Variants in PTPN3 observed in about 807,000 individuals in gnomAD.
PTPN3 encodes tyrosine-protein phosphatase non-receptor type 3.
In PTPN3, 96 loss-of-function variants were observed where a neutral mutation model predicts 132.7. The ratio of observed to expected loss-of-function variants is 0.72; its 90% confidence interval spans 0.61 to 0.86. The LOEUF (loss-of-function observed/expected upper bound fraction) is 0.86, where lower values mean the gene tolerates loss of function less well. Among genes scored for constraint, PTPN3 ranks in the 40% least tolerant of loss-of-function variants. PTPN3 has a pLI of 0.00. For synonymous variants in PTPN3, 398 were observed against 429.0 expected (o/e 0.93, Z 0.89); for missense variants, 1,125 against 1,159.6 (o/e 0.97, Z 0.43).
chr9:109,422,963 A>C, intron 12 of PTPN3, 111 bp from the exon 13 acceptor site: 1 of 1,374,728 alleles, frequency 7.3e-7, no homozygotes, highest in Non-Finnish European at 1.0e-6. Flanking sequence ...CGGCAGGTTA[A>C]TGCCAAGGTT....
rs781202024 is a variant in PTPN3 at position 109,383,522 on chromosome 9, G to C, written c.2283C>G (p.Pro761=). ...AGCCGCCGTGGTTCATGACGTCGGG[G>C]GGATCTGGCCAGTACTGGTGACATT... ...RTKCHQYWPD[P]PDVMNHGGFH... is the part of the protein sequence containing the mutation. Residue 761 remains proline, a synonymous_variant, in exon 23 of 26, where the codon CCC becomes CCG. Transcript: ENST00000374541. 3.0e-5 allele frequency: 48 copies of C among 1,613,952 alleles called. 1 individual carries two copies. In the South Asian group the frequency reaches 5.3e-4, roughly 18 times the overall value.
In PTPN3 at chr9:109,465,304, C is replaced by T. The variant is rs144918854; in HGVS notation, c.-17-1853G>A. On this transcript the variant is annotated intron_variant, in intron 1 of 25. Transcript: ENST00000374541. ...AAAGAATACATGAAGCAGCCGGGCA[C>T]GGTGGTTCACGCCTGTAATCCCAGC... Among the ~76,000 whole-genome samples the T allele has an allele frequency of 6.6e-5, 10 of 152,208 alleles. No homozygotes were observed. In the East Asian group the frequency reaches 7.7e-4, roughly 12 times the overall value.
chr9:109,497,990 G>A (rs1251295030), intron 1 of PTPN3, among the ~76,000 whole-genome samples: 1 of 145,528 alleles, frequency 6.9e-6, no homozygotes, highest in African/African-American at 2.5e-5. Context: ...CCCACCCGGC[G>A]CCCCGCCCGC....
In PTPN3 at chr9:109,378,573, G is replaced by A. The variant is rs1299592510; in HGVS notation, c.*983C>T. 6.6e-6 allele frequency: 1 copy of A among 152,524 alleles called. No homozygotes were observed. Among genetic ancestry groups the A allele is most frequent in the Non-Finnish European group, 1.5e-5 (1 of 68,030 alleles). The allele number at this position is 152,524 out of a possible 1,614,324, so 9.4% of individuals were successfully genotyped here. On this transcript the variant is annotated 3_prime_UTR_variant, in exon 26 of 26. Coordinates refer to ENST00000374541, the MANE Select transcript of PTPN3 (RefSeq NM_002829.4). ...GGCACACACATGTACACAGCCCCAC[G>A]GCCAACCCTCCAGAAGCTGGGTTTC...
rs1459975184 is a variant in PTPN3, at chr9:109,383,369, T to C, written c.2382+54A>G. 16 of 1,613,322 alleles carry C rather than the reference T, an allele frequency of 9.9e-6. No homozygotes were observed. In the East Asian group the frequency reaches 3.1e-4, roughly 31 times the overall value. On this transcript the variant is annotated intron_variant, in intron 23 of 25. Coordinates refer to ENST00000374541, the MANE Select transcript of PTPN3 (RefSeq NM_002829.4). ...GAAGCGTGACCACCTGGGATGACAG[T>C]GGCCGCTGATTCAGCACCTGCCCCT...
chr9:109,534,610 C>T, the PTPN3 span, among the ~76,000 whole-genome samples: 1 of 124,062 alleles, frequency 8.1e-6, no homozygotes, highest in Non-Finnish European at 1.6e-5. Flanking sequence ...AACCCCGTCT[C>T]TACTAAAAAT....
intron 1 of PTPN3, among the ~76,000 whole-genome samples, chr9:109,473,790 G>T (rs1391073769): frequency 6.6e-6 from 1 of 152,116 alleles, no homozygotes; most frequent in Non-Finnish European, 1.5e-5. Context: ...GTGCTCCCCA[G>T]GAGCCCAGCA....
chr9:109,380,541 C>G lies in PTPN3; in HGVS notation c.2665-908G>C, dbSNP rs116720882. On this transcript the variant is annotated intron_variant, in intron 25 of 25. Coordinates refer to ENST00000374541, the MANE Select transcript of PTPN3 (RefSeq NM_002829.4). ...GAAGTGCTGGGATTATAGGCGTGAG[C>G]CACCGTGCCCAGCTTCCAGCTGGGA... 4.7e-3 allele frequency among the ~76,000 whole-genome samples: 719 copies of G among 152,348 alleles called. 3 individuals are homozygous for G. The highest frequency in any genetic ancestry group is 0.017 in the African/African-American group (695 of 41,566).
chr9:109,522,879 C>G, the PTPN3 span, among the ~76,000 whole-genome samples: 1 of 152,184 alleles, frequency 6.6e-6, no homozygotes, highest in Non-Finnish European at 1.5e-5. Flanking sequence ...ATATGTCCCA[C>G]TTCACCTGCT....
At position 109,408,796 on chromosome 9, in the gene PTPN3, A is replaced by ATATATATATAT. The variant is rs1554783378; in HGVS notation, c.1579-420_1579-419insATATATATATA. ...TTATAATAATTAAAAAAAAAAAAAA[A>ATATATATATAT]ATATATATATATATATATATATGGG... On this transcript the variant is annotated intron_variant, in intron 16 of 25. Transcript: ENST00000374541. Among the ~76,000 whole-genome samples the ATATATATATAT allele has an allele frequency of 1.0e-4, 11 of 108,356 alleles. No homozygotes were observed. In the East Asian group the frequency reaches 1.3e-3, roughly 13 times the overall value. 71.1% of individuals were successfully genotyped at this position (108,356 alleles called of 152,430 possible).
chr9:109,533,865 G>A, the PTPN3 span: 1 of 785,330 alleles, frequency 1.3e-6, no homozygotes, highest in South Asian at 1.5e-5. Context: ...TGGTAATTGG[G>A]TGGAGGACCC....
the PTPN3 span, among the ~76,000 whole-genome samples, chr9:109,529,111 T>A: frequency 6.6e-6 from 1 of 152,138 alleles, no homozygotes; most frequent in Non-Finnish European, 1.5e-5. Context: ...ACCCCTTGAA[T>A]TTGCTAGGAA....
the PTPN3 span, among the ~76,000 whole-genome samples, chr9:109,525,134 C>T: frequency 1.3e-5 from 2 of 152,124 alleles, no homozygotes; most frequent in Non-Finnish European, 2.9e-5. Context: ...TCACTGCAAC[C>T]TTGACCCCTC....
At chr9:109,380,913 T>C (rs1839021203) in intron 25 of PTPN3, among the ~76,000 whole-genome samples, 1 of 152,118 alleles carries the variant, frequency 6.6e-6, no homozygotes, top group Admixed American at 6.5e-5. Flanking sequence ...TCTTCCACCA[T>C]GTTCTCAGAC....
At chr9:109,431,286 C>G (rs1230596215) in intron 10 of PTPN3, among the ~76,000 whole-genome samples, 1 of 152,234 alleles carries the variant, frequency 6.6e-6, no homozygotes, top group African/African-American at 2.4e-5. Flanking sequence ...CTTGTGGGAC[C>G]CACATCTTCT....
intron 10 of PTPN3, 41 bp from the exon 11 acceptor site, chr9:109,428,725 G>T (rs371559773): frequency 7.5e-6 from 12 of 1,589,862 alleles, no homozygotes; most frequent in Non-Finnish European, 1.0e-5. Context: ...GCACATCAGG[G>T]ATCGGCCAGG....
At chr9:109,425,091 T>G (rs1843145358) in intron 12 of PTPN3, among the ~76,000 whole-genome samples, 1 of 152,206 alleles carries the variant, frequency 6.6e-6, no homozygotes, top group African/African-American at 2.4e-5. Context: ...TTTTCATGGC[T>G]TGCTCAACAG....
intron 19 of PTPN3, among the ~76,000 whole-genome samples, chr9:109,395,183 G>A (rs944177582): frequency 5.9e-5 from 9 of 151,678 alleles, no homozygotes; most frequent in Non-Finnish European, 1.2e-4. Flanking sequence ...AACTGAAGGG[G>A]ATAGGAGTCA....
chr9:109,477,207 T>C (rs184879174), intron 1 of PTPN3, among the ~76,000 whole-genome samples: 196 of 152,306 alleles, frequency 1.3e-3, no homozygotes, highest in African/African-American at 4.2e-3. Flanking sequence ...TAGTCACTAT[T>C]GTCTCTGTAA....
Sources: allele counts gnomAD v4.1 joint callset (sites outside exome capture counted in the v4.1 genomes callset), GRCh38; gene constraint gnomAD v4.1.1; transcripts MANE v1.5; gene names NCBI Gene and HGNC (gene_info 2026-07-23, HGNC 2026-07-21).